The following SPRED2 variants were observed in gnomAD, a reference collection of about 807,000 sequenced individuals.
SPRED2 encodes the protein sprouty related EVH1 domain containing 2.
Under a neutral mutation model 43.0 loss-of-function variants are expected in SPRED2, and 47 were observed. That is an observed-to-expected ratio of 1.09 (90% CI 0.87 to 1.40). The LOEUF (loss-of-function observed/expected upper bound fraction) is 1.40. SPRED2 is among the 40% of genes most tolerant of loss of function. The pLI is 0.00. For synonymous variants in SPRED2, 225 were observed against 225.7 expected (o/e 1.00, Z 0.03); for missense variants, 561 against 586.4 (o/e 0.96, Z 0.45).
Position 65,432,259 on chromosome 2 carries a change from A to G in SPRED2, c.-272T>C. The G allele has an allele frequency of 2.5e-6, 1 of 407,770 alleles. No homozygotes were observed. The allele number at this position is 407,770 out of a possible 1,614,324, so 25.3% of individuals were successfully genotyped here. A position where few individuals can be genotyped will look rare whatever the true frequency, so the allele number is the denominator to read the frequency against. ...GCTCCGGGGGCTCGGGAGCGGGCAG[A>G]GGGGGCGAGATTTGGGAAGGGGACG... On this transcript the variant is annotated 5_prime_UTR_variant, in exon 1 of 6. Transcript: ENST00000356388.
chr2:65,311,226 C>T lies in SPRED2; in HGVS notation c.*2275G>A. 2.0e-6 allele frequency: 2 copies of T among 985,862 alleles called. No individual in the cohort carries two copies. The highest frequency in any genetic ancestry group is 2.4e-6 in the Non-Finnish European group (2 of 829,938). 61.1% of individuals were successfully genotyped at this position (985,862 alleles called of 1,614,324 possible). A position where few individuals can be genotyped will look rare whatever the true frequency, so the allele number is the denominator to read the frequency against. Reference sequence around the variant, plus strand: ...TATGGCAAAGCTGACTGGGAAAATACTACACACTGTTCAGCTGCAGTGTGG... The same window carrying T: ...TATGGCAAAGCTGACTGGGAAAATATTACACACTGTTCAGCTGCAGTGTGG... On this transcript the variant is annotated 3_prime_UTR_variant, in exon 6 of 6. Transcript: ENST00000356388.
intron 4 of SPRED2, among the ~76,000 whole-genome samples, chr2:65,326,700 C>G (rs970673018): frequency 2.0e-5 from 3 of 152,198 alleles, no homozygotes; most frequent in African/African-American, 7.2e-5. Flanking sequence ...GAAATAGGGT[C>G]TCACTATAGC....
chr2:65,316,236 C>T (rs1673227868), intron 5 of SPRED2, among the ~76,000 whole-genome samples: 2 of 152,240 alleles, frequency 1.3e-5, no homozygotes. Context: ...CTACATCCGC[C>T]TGAGCAAGAC....
chr2:65,311,642 G>T lies in SPRED2; in HGVS notation c.*1859C>A, dbSNP rs1673070691. The T allele has an allele frequency of 1.0e-6, 1 of 985,780 alleles. No homozygotes were observed. The highest frequency in any genetic ancestry group is 1.7e-5 in the African/African-American group (1 of 57,336). The allele number at this position is 985,780 out of a possible 1,614,324, so 61.1% of individuals were successfully genotyped here. On this transcript the variant is annotated 3_prime_UTR_variant, in exon 6 of 6. Transcript: ENST00000356388. ...CTAGATGTTCTCCAGGCATGGATGA[G>T]GTTCTCTTTTCTTCCATCAATCCAG...
At chr2:65,386,614 T>G (rs1456772588) in intron 1 of SPRED2, among the ~76,000 whole-genome samples, 3 of 152,212 alleles carry the variant, frequency 2.0e-5, no homozygotes, top group Admixed American at 2.0e-4. Flanking sequence ...AATCATGAAT[T>G]TGACAAATAT....
intron 1 of SPRED2, among the ~76,000 whole-genome samples, chr2:65,400,616 G>T (rs772672224): frequency 6.6e-6 from 1 of 152,152 alleles, no homozygotes; most frequent in African/African-American, 2.4e-5. Context: ...CTCAGTGTGT[G>T]GGCTGGGGTA....
At chr2:65,407,749 G>A (rs1218770695) in intron 1 of SPRED2, among the ~76,000 whole-genome samples, 3 of 152,188 alleles carry the variant, frequency 2.0e-5, no homozygotes, top group South Asian at 4.1e-4. Context: ...AGACAGAAAA[G>A]GGTGGGAAAG....
intron 1 of SPRED2, among the ~76,000 whole-genome samples, chr2:65,364,945 A>G (rs2104325975): frequency 6.6e-6 from 1 of 152,358 alleles, no homozygotes; most frequent in African/African-American, 2.4e-5. Flanking sequence ...CGTTTACTAT[A>G]AGATGGCAAA....
At chr2:65,395,364 C>T (rs183049605) in intron 1 of SPRED2, among the ~76,000 whole-genome samples, 148 of 152,278 alleles carry the variant, frequency 9.7e-4, no homozygotes, top group Non-Finnish European at 1.7e-3. Flanking sequence ...GAGGACTTTC[C>T]CCCTTCCCCT....
chr2:65,399,986 C>CA (rs1443098037), intron 1 of SPRED2, among the ~76,000 whole-genome samples: 4 of 150,064 alleles, frequency 2.7e-5, no homozygotes, highest in African/African-American at 9.7e-5. Context: ...AATTAAAAAA[C>CA]AAAAAAACAA....
At chr2:65,393,326 C>CTTTTTTTTTTTTTTTTTTTTTTTTT (rs55696467) in intron 1 of SPRED2, among the ~76,000 whole-genome samples, 1 of 141,692 alleles carries the variant, frequency 7.1e-6, no homozygotes. Flanking sequence ...AATCATAAGG[C>CTTTTTTTTTTTTTTTTTTTTTTTTT]TTTTTTTTTT....
At chr2:65,350,721 G>A (rs1049767858) in intron 1 of SPRED2, among the ~76,000 whole-genome samples, 1 of 152,210 alleles carries the variant, frequency 6.6e-6, no homozygotes, top group East Asian at 1.9e-4. Context: ...AACTGGATTA[G>A]CATCTCCACA....
chr2:65,402,993 T>TC (rs1675940450), intron 1 of SPRED2, among the ~76,000 whole-genome samples: 1 of 152,224 alleles, frequency 6.6e-6, no homozygotes, highest in Non-Finnish European at 1.5e-5. Flanking sequence ...CCAAAGAATT[T>TC]ATCGGCACAA....
intron 1 of SPRED2, among the ~76,000 whole-genome samples, chr2:65,422,077 A>AACACACACACACAC (rs367817858): frequency 2.2e-3 from 284 of 127,672 alleles, no homozygotes; most frequent in African/African-American, 6.8e-3. Context: ...TTGTATGTAC[A>AACACACACACACAC]ACACACACAC....
chr2:65,366,081 G>A lies in SPRED2; in HGVS notation c.27-21185C>T, dbSNP rs149031550. Among the ~76,000 whole-genome samples, 139 of 152,164 alleles carry A rather than the reference G, an allele frequency of 9.1e-4. 2 individuals are homozygous for A. The highest frequency in any genetic ancestry group is 1.7e-3 in the Non-Finnish European group (113 of 68,008). On this transcript the variant is annotated intron_variant, in intron 1 of 5. Transcript: ENST00000356388. ...AACCCACCCTATTCACTCCGTAGGG[G>A]AATAAAGCTTTCTTGCATTAAGTCA...
chr2:65,425,191 G>A (rs1411168944), intron 1 of SPRED2, among the ~76,000 whole-genome samples: 1 of 152,114 alleles, frequency 6.6e-6, no homozygotes. Flanking sequence ...TTTATAAATG[G>A]ACCACAGGAA....
intron 1 of SPRED2, among the ~76,000 whole-genome samples, chr2:65,401,937 G>GTGCGCGCGCGCGCACA (rs1553426614): frequency 2.6e-5 from 3 of 114,714 alleles, no homozygotes; most frequent in African/African-American, 1.0e-4. Context: ...GCGCGCGCGC[G>GTGCGCGCGCGCGCACA]CACACACACA....
chr2:65,395,908 C>T (rs1675748290), intron 1 of SPRED2, among the ~76,000 whole-genome samples: 6 of 152,182 alleles, frequency 3.9e-5, no homozygotes, highest in Admixed American at 1.3e-4. Context: ...TGCCTCAAGT[C>T]ACTTTTTTTT....
chr2:65,356,288 TAAAAC>T (rs1331375808), intron 1 of SPRED2, among the ~76,000 whole-genome samples: 21 of 152,200 alleles, frequency 1.4e-4, no homozygotes, highest in Admixed American at 1.4e-3. Context: ...ATGTGTATGA[TAAAAC>T]AATAATAGCA....
Sources: allele counts gnomAD v4.1 joint callset (sites outside exome capture counted in the v4.1 genomes callset), GRCh38; gene constraint gnomAD v4.1.1; transcripts MANE v1.5; gene names NCBI Gene and HGNC (gene_info 2026-07-23, HGNC 2026-07-21).